Variants in AP3B1 observed in about 807,000 individuals in gnomAD.
AP3B1 encodes the protein adaptor related protein complex 3 subunit beta 1, also known as AP-3 complex subunit beta-1.
AP3B1 carries 61 observed loss-of-function variants against 132.5 expected under a neutral mutation model. The observed-to-expected ratio is 0.46, with a 90% confidence interval of 0.37 to 0.57. AP3B1 has a LOEUF of 0.57. Among genes scored for constraint, AP3B1 ranks in the 20% least tolerant of loss-of-function variants. The probability of loss-of-function intolerance (pLI) is 0.00; values close to 1 mark genes in which losing one functional copy is unlikely to be tolerated. For synonymous variants in AP3B1, 388 were observed against 438.3 expected, an observed-to-expected ratio of 0.89 and a Z score of 1.43; for missense variants, 1,120 against 1,289.4, an observed-to-expected ratio of 0.87 and a Z score of 2.01.
intron 22 of AP3B1, among the ~76,000 whole-genome samples, chr5:78,077,363 G>T (rs1482669477): frequency 1.3e-5 from 2 of 152,130 alleles, no homozygotes; most frequent in Non-Finnish European, 2.9e-5. Context: ...TGCCCCCCAT[G>T]AATCCCCAAG....
At chr5:78,196,439 A>G (rs1176114245) in intron 7 of AP3B1, among the ~76,000 whole-genome samples, 3 of 152,222 alleles carry the variant, frequency 2.0e-5, no homozygotes, top group African/African-American at 7.2e-5. Context: ...AAAATGGTAC[A>G]GCCACTCTGA....
intron 9 of AP3B1, among the ~76,000 whole-genome samples, chr5:78,176,362 G>C (rs1169143380): frequency 2.6e-5 from 4 of 151,254 alleles, no homozygotes; most frequent in Non-Finnish European, 5.9e-5. Context: ...AAAAAGTATT[G>C]AACTAGCAAA....
chr5:78,174,680 C>T (rs1399989026), intron 11 of AP3B1, among the ~76,000 whole-genome samples: 1 of 152,230 alleles, frequency 6.6e-6, no homozygotes, highest in Non-Finnish European at 1.5e-5. Flanking sequence ...ACACGGGGGT[C>T]AGGGACTCAC....
chr5:78,292,491 C>G (rs1054100418), intron 1 of AP3B1, among the ~76,000 whole-genome samples: 1 of 152,160 alleles, frequency 6.6e-6, no homozygotes, highest in Admixed American at 6.5e-5. Context: ...AGAATGGGCT[C>G]TAATATTAGA....
rs551385882 is a variant in AP3B1 at position 78,279,759 on chromosome 5, A to G, written c.129-12164T>C. Among the ~76,000 whole-genome samples, 344 of 148,502 alleles carry G rather than the reference A, an allele frequency of 2.3e-3. 1 individual carries two copies. Among genetic ancestry groups the G allele is most frequent in the Middle Eastern group, 0.011 (3 of 280 alleles). On this transcript the variant is annotated intron_variant, in intron 1 of 26. Transcript: ENST00000255194. ...CCTAATCTCTACAAAAGAAAAATAT[A>G]TATTTTTTAACATATTATATAAAAT...
intron 1 of AP3B1, among the ~76,000 whole-genome samples, chr5:78,278,681 G>A (rs1225392256): frequency 3.3e-5 from 5 of 151,368 alleles, no homozygotes; most frequent in Admixed American, 2.0e-4. Context: ...TTAAAACAGG[G>A]GTCCTCAACC....
intron 24 of AP3B1, among the ~76,000 whole-genome samples, chr5:78,021,694 C>T (rs962453348): frequency 6.6e-6 from 1 of 152,098 alleles, no homozygotes; most frequent in Non-Finnish European, 1.5e-5. Flanking sequence ...GCTTAAAAAA[C>T]CCTTTAGAGG....
At chr5:78,184,878 CTAAACAGGAT>C (rs1744539960) in intron 7 of AP3B1, among the ~76,000 whole-genome samples, 1 of 152,092 alleles carries the variant, frequency 6.6e-6, no homozygotes, top group Non-Finnish European at 1.5e-5. Context: ...TGAGTAAACC[CTAAACAGGAT>C]TAAACCCAAA....
intron 2 of AP3B1, among the ~76,000 whole-genome samples, chr5:78,266,618 C>T (rs925890529): frequency 3.9e-5 from 6 of 151,978 alleles, no homozygotes; most frequent in African/African-American, 1.2e-4. Context: ...TTTATTTAAG[C>T]AATTATGCAA....
chr5:78,152,170 C>T (rs1466325366), intron 14 of AP3B1, among the ~76,000 whole-genome samples: 1 of 141,514 alleles, frequency 7.1e-6, no homozygotes, highest in African/African-American at 2.7e-5. Context: ...TGTTTGGTTT[C>T]GGTATCAGGG....
chr5:78,096,836 A>AGGTGG (rs1345402794), intron 21 of AP3B1, among the ~76,000 whole-genome samples: 8 of 145,916 alleles, frequency 5.5e-5, no homozygotes, highest in African/African-American at 2.1e-4. Flanking sequence ...TCCGGGAGGG[A>AGGTGG]GGGGGGGCTC....
intron 8 of AP3B1, 130 bp from the exon 9 acceptor site, chr5:78,177,566 T>A: frequency 4.0e-6 from 3 of 745,088 alleles, no homozygotes; most frequent in Non-Finnish European, 7.2e-6. Flanking sequence ...ATGTTACTCT[T>A]CGTAGTGAGT....
chr5:78,274,028 A>C, intron 1 of AP3B1, among the ~76,000 whole-genome samples: 1 of 144,490 alleles, frequency 6.9e-6, no homozygotes, highest in Admixed American at 7.1e-5. Flanking sequence ...AAAAAGAAAA[A>C]AAGGAAAAAA....
chr5:78,038,470 CAA>C, intron 23 of AP3B1, among the ~76,000 whole-genome samples: 1 of 152,102 alleles, frequency 6.6e-6, no homozygotes, highest in East Asian at 1.9e-4. Flanking sequence ...AAAATAATCG[CAA>C]AAAAATCTCA....
intron 13 of AP3B1, among the ~76,000 whole-genome samples, chr5:78,158,408 T>C (rs929523040): frequency 6.6e-6 from 1 of 151,840 alleles, no homozygotes; most frequent in Non-Finnish European, 1.5e-5. Context: ...CAGTGAGCCG[T>C]GATCACAACA....
intron 2 of AP3B1, among the ~76,000 whole-genome samples, chr5:78,263,764 T>C (rs1430830688): frequency 6.6e-6 from 1 of 152,238 alleles, no homozygotes; most frequent in Non-Finnish European, 1.5e-5. Context: ...TGAGGGATTT[T>C]TCCCTTTCCT....
At chr5:78,220,538 C>A (rs554584662) in intron 6 of AP3B1, among the ~76,000 whole-genome samples, 2 of 151,376 alleles carry the variant, frequency 1.3e-5, no homozygotes, top group East Asian at 3.9e-4. Flanking sequence ...TAAAAGTAAA[C>A]GAAAATCAAC....
intron 24 of AP3B1, among the ~76,000 whole-genome samples, chr5:78,021,055 A>T (rs927065568): frequency 4.6e-5 from 7 of 152,136 alleles, no homozygotes; most frequent in Admixed American, 3.9e-4. Context: ...AAAGAACTTT[A>T]AAAAATTGCA....
intron 24 of AP3B1, among the ~76,000 whole-genome samples, chr5:78,031,471 C>T (rs953676774): frequency 1.3e-5 from 2 of 152,232 alleles, no homozygotes; most frequent in African/African-American, 4.8e-5. Context: ...AAACCCTGCT[C>T]TGTTCTTGTA....
Sources: allele counts gnomAD v4.1 joint callset (sites outside exome capture counted in the v4.1 genomes callset), GRCh38; gene constraint gnomAD v4.1.1; transcripts MANE v1.5; gene names NCBI Gene and HGNC (gene_info 2026-07-23, HGNC 2026-07-21).